The following USP7 variants were observed in gnomAD, a reference collection of about 807,000 sequenced individuals.
The protein encoded by USP7 is ubiquitin C-terminal hydrolase 7.
Under a neutral mutation model 162.9 loss-of-function variants are expected in USP7, and 9 were observed. That is an observed-to-expected ratio of 0.06 (90% confidence interval 0.03 to 0.10). USP7 has a LOEUF of 0.10. USP7 is among the 10% of genes least tolerant of loss of function. The pLI is 1.00. For synonymous variants in USP7, 562 were observed against 475.9 expected, an observed-to-expected ratio of 1.18 and a Z score of -2.35; for missense variants, 715 against 1,373.7, an observed-to-expected ratio of 0.52 and a Z score of 7.58.
chr16:8,952,081 C>T (rs1943765013), intron 1 of USP7, among the ~76,000 whole-genome samples: 1 of 151,928 alleles, frequency 6.6e-6, no homozygotes. Flanking sequence ...AGTAGACCCC[C>T]CCGTCTATAC....
chr16:8,932,849 A>T (rs1209449746), intron 1 of USP7, among the ~76,000 whole-genome samples: 1 of 152,190 alleles, frequency 6.6e-6, no homozygotes. Context: ...TTTAAGAAGT[A>T]ACATGTATAT....
At chr16:8,894,342 T>C (rs1567203128) in intron 30 of USP7, among the ~76,000 whole-genome samples, 1 of 152,100 alleles carries the variant, frequency 6.6e-6, no homozygotes, top group Non-Finnish European at 1.5e-5. Context: ...TCCAAGCTTC[T>C]CTCCTTGAAG....
chr16:8,897,732 T>A (rs1273605526), intron 25 of USP7, among the ~76,000 whole-genome samples: 67 of 91,330 alleles, frequency 7.3e-4, no homozygotes, highest in African/African-American at 2.8e-3. Flanking sequence ...AAAAAATATA[T>A]ATATATATAT....
chr16:8,916,985 A>AAAAG, intron 7 of USP7, 41 bp downstream of exon 7: 6 of 1,514,540 alleles, frequency 4.0e-6, no homozygotes, highest in Non-Finnish European at 5.3e-6. Context: ...AAAAAAAAAA[A>AAAAG]AGAGGAAGCA....
intron 16 of USP7, 83 bp from the exon 17 acceptor site, chr16:8,902,565 A>T: frequency 9.7e-7 from 1 of 1,026,532 alleles, no homozygotes; most frequent in Non-Finnish European, 1.4e-6. Context: ...ATGTATATAC[A>T]TATACATATA....
At chr16:8,899,568 T>C (rs1343751191) in intron 22 of USP7, 36 bp downstream of exon 22, 1 of 1,602,188 alleles carries the variant, frequency 6.2e-7, no homozygotes, top group Non-Finnish European at 8.5e-7. Flanking sequence ...CTTTCTGGAG[T>C]GGGATCTGAA....
intron 11 of USP7, among the ~76,000 whole-genome samples, chr16:8,910,358 T>C (rs947163166): frequency 6.6e-6 from 1 of 152,082 alleles, no homozygotes; most frequent in African/African-American, 2.4e-5. Flanking sequence ...AAAACTAAAT[T>C]CATTAAAAAT....
intron 1 of USP7, among the ~76,000 whole-genome samples, chr16:8,946,224 TG>T (rs1419856913): frequency 1.3e-5 from 2 of 152,040 alleles, no homozygotes; most frequent in Admixed American, 6.6e-5. Context: ...TCTGTCATGA[TG>T]GGTAGGGCAA....
chr16:8,939,042 G>T (rs1172046693), intron 1 of USP7, among the ~76,000 whole-genome samples: 1 of 152,110 alleles, frequency 6.6e-6, no homozygotes, highest in Admixed American at 6.6e-5. Context: ...GCACCACTTT[G>T]CAAAACTACC....
chr16:8,959,356 CAAA>C (rs34434646), intron 1 of USP7, among the ~76,000 whole-genome samples: 3 of 142,466 alleles, frequency 2.1e-5, no homozygotes, highest in Admixed American at 6.9e-5. Flanking sequence ...AACACTAATT[CAAA>C]AAAAAAAAAA....
intron 1 of USP7, among the ~76,000 whole-genome samples, chr16:8,943,681 G>T (rs1184628030): frequency 1.3e-5 from 2 of 152,176 alleles, no homozygotes; most frequent in East Asian, 1.9e-4. Context: ...TCGAATGGCT[G>T]GCGGGAACAC....
rs2061624043 is a variant in USP7, at chr16:8,893,029, A to C, written c.*969T>G. ...ACACAATGAATATCAACATCAGTGA[A>C]ATTCACTTGCAGACTCACCCAACAA... is the stretch of plus-strand genomic sequence containing the variant. On this transcript the variant is annotated 3_prime_UTR_variant, in exon 31 of 31. Transcript: ENST00000344836. 6.6e-6 allele frequency: 1 copy of C among 152,238 alleles called. No individual in the cohort carries two copies. 9.4% of individuals were successfully genotyped at this position (152,238 alleles called of 1,614,324 possible).
At chr16:8,955,686 C>A (rs1224786091) in intron 1 of USP7, among the ~76,000 whole-genome samples, 41 of 118,558 alleles carry the variant, frequency 3.5e-4, no homozygotes, top group Admixed American at 3.4e-3. Context: ...AGCCTGGCAA[C>A]AGAGCACGAT....
chr16:8,956,590 C>A (rs1379683628), intron 1 of USP7, among the ~76,000 whole-genome samples: 1 of 152,084 alleles, frequency 6.6e-6, no homozygotes, highest in Non-Finnish European at 1.5e-5. Context: ...CATGGTGAAA[C>A]GCCATCTCTA....
chr16:8,934,327 C>T (rs564226520), intron 1 of USP7, among the ~76,000 whole-genome samples: 116 of 152,286 alleles, frequency 7.6e-4, no homozygotes, highest in African/African-American at 2.5e-3. Flanking sequence ...TGAAATCAGA[C>T]TGAGACACAA....
At chr16:8,897,726 A>AATATATAT (rs1555461672) in intron 25 of USP7, among the ~76,000 whole-genome samples, 687 of 7,076 alleles carry the variant, frequency 0.097, 48 homozygotes, top group South Asian at 0.12. Flanking sequence ...AAAAAAAAAA[A>AATATATAT]ATATATATAT....
At chr16:8,920,834 A>C (rs145320568) in intron 4 of USP7, among the ~76,000 whole-genome samples, 1 of 152,340 alleles carries the variant, frequency 6.6e-6, no homozygotes. Context: ...AAGTGAACTG[A>C]ATGATTACTG....
Position 8,892,590 on chromosome 16 carries a change from G to A in USP7, c.*1408C>T, listed in dbSNP as rs1359626852. The A allele has an allele frequency of 7.6e-6, 1 of 131,622 alleles. No individual in the cohort carries two copies. Among genetic ancestry groups the A allele is most frequent in the African/African-American group, 2.9e-5 (1 of 34,700 alleles). 8.2% of individuals were successfully genotyped at this position (131,622 alleles called of 1,614,324 possible). ...AACCTTTCATTTCTTAAGAGTAAAT[G>A]TGACTAGTTAGAGGCTAAAAAAAAA... On this transcript the variant is annotated 3_prime_UTR_variant, in exon 31 of 31. Coordinates refer to ENST00000344836, the MANE Select transcript of USP7 (RefSeq NM_003470.3).
chr16:8,924,591 T>C (rs1166926205), intron 2 of USP7, among the ~76,000 whole-genome samples: 7 of 152,198 alleles, frequency 4.6e-5, no homozygotes, highest in Non-Finnish European at 7.3e-5. Context: ...CATCCTCCCA[T>C]CCTTCATCTT....
Sources: allele counts gnomAD v4.1 joint callset (sites outside exome capture counted in the v4.1 genomes callset), GRCh38; gene constraint gnomAD v4.1.1; transcripts MANE v1.5; gene names NCBI Gene and HGNC (gene_info 2026-07-23, HGNC 2026-07-21).